The following ADSS1 variants were observed in gnomAD, a reference collection of about 807,000 sequenced individuals.
ADSS1 encodes the protein adenylosuccinate synthetase isozyme 1.
Under a neutral mutation model 59.1 loss-of-function variants are expected in ADSS1, and 57 were observed. That is an observed-to-expected ratio of 0.97 (90% CI 0.78 to 1.20). The LOEUF (loss-of-function observed/expected upper bound fraction) is 1.20, where lower values mean the gene tolerates loss of function less well. ADSS1 is among the 50% of genes most tolerant of loss of function. The pLI is 0.00. For missense variants in ADSS1, 603 were observed against 610.3 expected, an observed-to-expected ratio of 0.99 and a Z score of 0.13; for synonymous variants, 247 against 249.4, an observed-to-expected ratio of 0.99 and a Z score of 0.09.
intron 12 of ADSS1, 133 bp downstream of exon 12, chr14:104,746,518 G>C (rs777774632): frequency 3.9e-6 from 5 of 1,297,634 alleles, no homozygotes; most frequent in Middle Eastern, 2.8e-4. Flanking sequence ...CATGGCAGGA[G>C]GGGAGGACGA....
chr14:104,734,121 C>T (rs1891031101), intron 1 of ADSS1, among the ~76,000 whole-genome samples: 1 of 152,220 alleles, frequency 6.6e-6, no homozygotes, highest in South Asian at 2.1e-4. Context: ...CTGCCTCTTC[C>T]TCAGCTGTGA....
In ADSS1 at chr14:104,744,862, T is replaced by A; in HGVS notation, c.1124T>A (p.Val375Asp). ...DILDVLGEVK[V>D]GVSYKLNGKR... ...CTGGACGTACTGGGTGAGGTTAAAG[T>A]CGGTGTCTCATACAAGCTGAACGGG... Residue 375 changes from valine to aspartate, a missense_variant, in exon 11 of 13, where the codon GTC (valine) becomes GAC (aspartate). Transcript: ENST00000330877. 6.2e-7 allele frequency: 1 copy of A among 1,614,142 alleles called. No homozygotes were observed. The highest frequency in any genetic ancestry group is 8.5e-7 in the Non-Finnish European group (1 of 1,180,028).
intron 1 of ADSS1, among the ~76,000 whole-genome samples, chr14:104,726,580 C>T (rs1473048140): frequency 6.6e-6 from 1 of 152,228 alleles, no homozygotes; most frequent in African/African-American, 2.4e-5. Context: ...CACCCCATGT[C>T]GTCAGAGGCT....
At position 104,724,340 on chromosome 14, in the gene ADSS1, C is replaced by A; in HGVS notation, c.70C>A (p.Gln24Lys). 1 of 1,242,032 alleles carries A rather than the reference C, an allele frequency of 8.1e-7. No homozygotes were observed. 76.9% of individuals were successfully genotyped at this position (1,242,032 alleles called of 1,614,324 possible). A position where few individuals can be genotyped will look rare whatever the true frequency, so the allele number is the denominator to read the frequency against. Reference protein sequence around the residue: ...AGGVKRGRLQQEAAATGSRVT... With the variant: ...AGGVKRGRLQKEAAATGSRVT... ...CGGCGTCAAGCGGGGGCGGCTGCAGCAGGAGGCGGCGGCGACCGGCTCCCG... is the reference window on the plus strand; with the variant it reads ...CGGCGTCAAGCGGGGGCGGCTGCAGAAGGAGGCGGCGGCGACCGGCTCCCG... The change falls in exon 1 of 13, where the codon CAG becomes AAG. Residue 24 changes from glutamine to lysine, a missense_variant. Physicochemically the swap from Gln to Lys is moderately conservative, Grantham distance 53. Coordinates refer to ENST00000330877, the MANE Select transcript of ADSS1 (RefSeq NM_152328.5).
At position 104,734,956 on chromosome 14, in the gene ADSS1, C is replaced by T. The variant is rs1365290398; in HGVS notation, c.193-64C>T. The T allele has an allele frequency of 3.5e-6, 5 of 1,423,334 alleles. No individual in the cohort carries two copies. The East Asian group carries it at 1.2e-4, about 33-fold the overall frequency. The allele number at this position is 1,423,334 out of a possible 1,614,324, so 88.2% of individuals were successfully genotyped here. A position where few individuals can be genotyped will look rare whatever the true frequency, so the allele number is the denominator to read the frequency against. On this transcript the variant is annotated intron_variant, in intron 1 of 12. Coordinates refer to ENST00000330877, the MANE Select transcript of ADSS1 (RefSeq NM_152328.5). ...GGGACAGACGAAGCCCCATGTGGGTCAGTCCATGTCCGGGGGGTCCTCAGT... is the reference window on the plus strand; with the variant it reads ...GGGACAGACGAAGCCCCATGTGGGTTAGTCCATGTCCGGGGGGTCCTCAGT...
chr14:104,724,478 C>G lies in ADSS1; in HGVS notation c.192+16C>G. 7 of 1,237,900 alleles carry G rather than the reference C, an allele frequency of 5.7e-6. No homozygotes were observed. Among genetic ancestry groups the G allele is most frequent in the Non-Finnish European group, 6.1e-6 (6 of 988,146 alleles). The allele number at this position is 1,237,900 out of a possible 1,614,324, so 76.7% of individuals were successfully genotyped here. ...CCGCTGCCAGGTGCGGGCTGGGGCG[C>G]CGGGTCCCTCCCCCACCGCCCAGCG... On this transcript the variant is annotated intron_variant, in intron 1 of 12. Coordinates refer to ENST00000330877, the MANE Select transcript of ADSS1 (RefSeq NM_152328.5).
intron 1 of ADSS1, among the ~76,000 whole-genome samples, chr14:104,725,739 GCTCTACTGCTCTTCA>G (rs1426000599): frequency 1.3e-5 from 2 of 152,274 alleles, no homozygotes; most frequent in African/African-American, 4.8e-5. Context: ...CATGTCCAGC[GCTCTACTGCTCTTCA>G]CCCTCCAGGG....
intron 10 of ADSS1, 28 bp downstream of exon 10, chr14:104,743,219 T>C (rs754892051): frequency 6.2e-7 from 1 of 1,605,090 alleles, no homozygotes; most frequent in South Asian, 1.1e-5. Context: ...CCATCCCCAC[T>C]GGGACCGTCC....
At chr14:104,726,936 C>A (rs1315834900) in intron 1 of ADSS1, among the ~76,000 whole-genome samples, 1 of 152,224 alleles carries the variant, frequency 6.6e-6, no homozygotes, top group Non-Finnish European at 1.5e-5. Flanking sequence ...TATGCTCCTT[C>A]CCTGGCTGCC....
rs544842412 is a variant in ADSS1 at position 104,727,356 on chromosome 14, C to T, written c.192+2894C>T. ...ACCTCACACCTCGGCTGTCTTTCCT[C>T]CATTCCAGGGCGGCTCTGGGTCTGT... On this transcript the variant is annotated intron_variant, in intron 1 of 12. Transcript: ENST00000330877. Among the ~76,000 whole-genome samples the T allele has an allele frequency of 2.6e-4, 39 of 152,158 alleles. 1 individual carries two copies. The highest frequency in any genetic ancestry group is 3.4e-3 in the Middle Eastern group (1 of 294).
intron 1 of ADSS1, chr14:104,730,305 C>A: frequency 3.1e-6 from 4 of 1,303,398 alleles, no homozygotes; most frequent in South Asian, 1.8e-5. Context: ...ACCAGCCTGG[C>A]CAAGTGAAAC....
chr14:104,742,630 G>A (rs1049979019), intron 9 of ADSS1, among the ~76,000 whole-genome samples: 28 of 152,240 alleles, frequency 1.8e-4, no homozygotes, highest in African/African-American at 6.8e-4. Flanking sequence ...CCAACACGGG[G>A]AGGGGCGGAC....
chr14:104,737,823 C>T (rs1047315117), intron 2 of ADSS1: 1 of 152,832 alleles, frequency 6.5e-6, no homozygotes, highest in African/African-American at 2.4e-5. Flanking sequence ...ATAATGTCTT[C>T]GAGGCCTGTG....
At chr14:104,728,045 T>C (rs1890769604) in intron 1 of ADSS1, among the ~76,000 whole-genome samples, 1 of 152,108 alleles carries the variant, frequency 6.6e-6, no homozygotes, top group African/African-American at 2.4e-5. Context: ...TGGCCATGTA[T>C]GCAGGGGTGT....
intron 11 of ADSS1, 165 bp downstream of exon 11, chr14:104,745,074 G>A (rs1422017560): frequency 7.8e-6 from 5 of 641,792 alleles, no homozygotes; most frequent in Middle Eastern, 4.0e-4. Context: ...TGCCTCTCAC[G>A]GGTTTCTCCC....
In ADSS1 at chr14:104,736,475, G is replaced by A. The variant is rs183276983; in HGVS notation, c.295+1353G>A. Among the ~76,000 whole-genome samples the A allele has an allele frequency of 1.3e-3, 193 of 152,346 alleles. 2 individuals are homozygous for A. The highest frequency in any genetic ancestry group is 4.2e-3 in the African/African-American group (176 of 41,582). On this transcript the variant is annotated intron_variant, in intron 2 of 12. Coordinates refer to ENST00000330877, the MANE Select transcript of ADSS1 (RefSeq NM_152328.5). ...GCTTGCAACACTCCGGGCCTCTGCC[G>A]CGTGTTTATTTCAGGATGCCGTGGC... is the stretch of plus-strand genomic sequence containing the variant.
At position 104,730,720 on chromosome 14, in the gene ADSS1, G is replaced by A. The variant is rs567436877; in HGVS notation, c.193-4300G>A. Reference sequence around the variant, plus strand: ...GCGCACAGCCTCCTGGAGGGGAGGGGCCTGAGTGGGGCAGTGGAGATAGGG... The same window carrying A: ...GCGCACAGCCTCCTGGAGGGGAGGGACCTGAGTGGGGCAGTGGAGATAGGG... On this transcript the variant is annotated intron_variant, in intron 1 of 12. Transcript: ENST00000330877. Among the ~76,000 whole-genome samples the A allele has an allele frequency of 5.3e-5, 8 of 152,238 alleles. No individual in the cohort carries two copies. The East Asian group carries it at 1.4e-3, about 26-fold the overall frequency.
At position 104,724,263 on chromosome 14, in the gene ADSS1, A is replaced by T; in HGVS notation, c.-8A>T. The T allele has an allele frequency of 6.5e-6, 8 of 1,227,332 alleles. No individual in the cohort carries two copies. Among genetic ancestry groups the T allele is most frequent in the Non-Finnish European group, 8.1e-6 (8 of 984,060 alleles). The allele number at this position is 1,227,332 out of a possible 1,614,324, so 76.0% of individuals were successfully genotyped here. On this transcript the variant is annotated 5_prime_UTR_variant, in exon 1 of 13. Coordinates refer to ENST00000330877, the MANE Select transcript of ADSS1 (RefSeq NM_152328.5). ...GCCGGGCCAGCGCAGCGGAAGAGCC[A>T]AGCCAGCATGTCGGGGACCCGAGCC... is the stretch of plus-strand genomic sequence containing the variant.
chr14:104,741,155 T>G lies in ADSS1; in HGVS notation c.705T>G (p.Gly235=), dbSNP rs1226217628. 1.2e-6 allele frequency: 2 copies of G among 1,611,030 alleles called. No individual in the cohort carries two copies. The highest frequency in any genetic ancestry group is 3.4e-5 in the Admixed American group (2 of 59,690). Residue 235 remains glycine, a synonymous_variant, in exon 8 of 13, where the codon GGT becomes GGG. Coordinates refer to ENST00000330877, the MANE Select transcript of ADSS1 (RefSeq NM_152328.5). ...AERIRPMVRD[G]VYFMYEALHG... is the part of the protein sequence containing the mutation. ...GGATCAGACCCATGGTCCGAGATGG[T>G]GTTTACTTTATGTATGAGGCACTCC...
Sources: gnomAD v4.1 joint callset for allele counts (sites outside exome capture counted in the v4.1 genomes callset) on GRCh38, gnomAD v4.1.1 for gene constraint, MANE v1.5 for transcripts, NCBI Gene and HGNC (gene_info 2026-07-23, HGNC 2026-07-21) for gene names.